The following SLC1A1 variants were observed in gnomAD, a reference collection of about 807,000 sequenced individuals.
SLC1A1 encodes the protein solute carrier family 1 member 1.
Under a neutral mutation model 53.3 loss-of-function variants are expected in SLC1A1, and 43 were observed. The ratio of observed to expected loss-of-function variants is 0.81; its 90% CI spans 0.63 to 1.04. The LOEUF is 1.04. Among genes scored for constraint, SLC1A1 ranks in the 50% least tolerant of loss-of-function variants. The probability of loss-of-function intolerance (pLI) is 0.00; values close to 1 mark genes in which losing one functional copy is unlikely to be tolerated. For missense variants in SLC1A1, 748 were observed against 664.9 expected, an observed-to-expected ratio of 1.12 and a Z score of -1.37; for synonymous variants, 307 against 243.2, an observed-to-expected ratio of 1.26 and a Z score of -2.44.
chr9:4,531,639 T>G (rs1255050913), intron 1 of SLC1A1, among the ~76,000 whole-genome samples: 1 of 152,130 alleles, frequency 6.6e-6, no homozygotes, highest in African/African-American at 2.4e-5. Flanking sequence ...GGCAGGGCAG[T>G]GCCAAACAAA....
intron 1 of SLC1A1, among the ~76,000 whole-genome samples, chr9:4,502,001 C>T (rs1037712797): frequency 2.0e-5 from 3 of 151,716 alleles, no homozygotes; most frequent in Non-Finnish European, 4.4e-5. Context: ...AGCCTCTCCC[C>T]ATTACTGGAA....
chr9:4,511,493 G>C (rs2046079844), intron 1 of SLC1A1, among the ~76,000 whole-genome samples: 1 of 151,402 alleles, frequency 6.6e-6, no homozygotes, highest in African/African-American at 2.4e-5. Context: ...ATTTGAAGGA[G>C]GACATACACA....
At chr9:4,532,080 G>A (rs939242481) in intron 1 of SLC1A1, among the ~76,000 whole-genome samples, 1 of 151,956 alleles carries the variant, frequency 6.6e-6, no homozygotes, top group Non-Finnish European at 1.5e-5. Context: ...AAAGACCAAA[G>A]GTAGATAAAA....
chr9:4,516,082 C>A (rs571235502), intron 1 of SLC1A1, among the ~76,000 whole-genome samples: 2 of 152,298 alleles, frequency 1.3e-5, no homozygotes, highest in African/African-American at 4.8e-5. Context: ...GGTACAGGAG[C>A]TTTCCTGATT....
At chr9:4,582,087 G>T (rs1173232487) in intron 10 of SLC1A1, among the ~76,000 whole-genome samples, 1 of 152,174 alleles carries the variant, frequency 6.6e-6, no homozygotes, top group Non-Finnish European at 1.5e-5. Flanking sequence ...AAGCACTGTA[G>T]GTGTGGCCTC....
intron 1 of SLC1A1, among the ~76,000 whole-genome samples, chr9:4,497,961 T>C (rs979838405): frequency 2.0e-4 from 31 of 152,174 alleles, no homozygotes; most frequent in Admixed American, 2.0e-3. Flanking sequence ...GGTATGATCT[T>C]TATTGAAAAA....
intron 7 of SLC1A1, among the ~76,000 whole-genome samples, chr9:4,573,544 T>C (rs1820260705): frequency 6.6e-6 from 1 of 152,068 alleles, no homozygotes; most frequent in Non-Finnish European, 1.5e-5. Context: ...GAAAGAGCCA[T>C]ATTTGGCAGT....
chr9:4,508,775 G>A (rs951269294), intron 1 of SLC1A1, among the ~76,000 whole-genome samples: 18 of 152,192 alleles, frequency 1.2e-4, no homozygotes, highest in African/African-American at 4.1e-4. Context: ...AAGTGCAGTG[G>A]CTTCCTGGGC....
intron 4 of SLC1A1, among the ~76,000 whole-genome samples, chr9:4,565,006 T>C (rs1040531300): frequency 6.6e-6 from 1 of 152,236 alleles, no homozygotes; most frequent in Non-Finnish European, 1.5e-5. Flanking sequence ...CTGTTGCATA[T>C]ACAGCCCTTA....
At chr9:4,519,612 A>C (rs1014145206) in intron 1 of SLC1A1, among the ~76,000 whole-genome samples, 2 of 152,244 alleles carry the variant, frequency 1.3e-5, no homozygotes, top group Non-Finnish European at 2.9e-5. Flanking sequence ...GGCCAAGGGC[A>C]GGGCTAAGTC....
At chr9:4,558,318 G>C (rs1297394522) in intron 2 of SLC1A1, among the ~76,000 whole-genome samples, 1 of 152,128 alleles carries the variant, frequency 6.6e-6, no homozygotes, top group African/African-American at 2.4e-5. Context: ...AGAGGTAGAG[G>C]GTAACTATAG....
chr9:4,535,427 G>A (rs1434941761), intron 1 of SLC1A1, among the ~76,000 whole-genome samples: 1 of 152,134 alleles, frequency 6.6e-6, no homozygotes, highest in African/African-American at 2.4e-5. Context: ...GACAAACAGA[G>A]AGCCAAATCA....
intron 3 of SLC1A1, among the ~76,000 whole-genome samples, chr9:4,562,653 T>G (rs1819065657): frequency 6.6e-6 from 1 of 151,990 alleles, no homozygotes. Flanking sequence ...CACCTATGAG[T>G]GAGAATATGT....
intron 6 of SLC1A1, among the ~76,000 whole-genome samples, chr9:4,568,957 G>T (rs1003049765): frequency 2.6e-5 from 4 of 152,074 alleles, no homozygotes; most frequent in Non-Finnish European, 5.9e-5. Flanking sequence ...TGTGTCCAAG[G>T]TTCCCAGAAA....
chr9:4,529,625 G>A (rs753644279), intron 1 of SLC1A1, among the ~76,000 whole-genome samples: 14 of 152,154 alleles, frequency 9.2e-5, no homozygotes, highest in Non-Finnish European at 1.5e-4. Flanking sequence ...ATGAATAAGT[G>A]TAAGGAGGAA....
Position 4,583,108 on chromosome 9 carries a change from G to A in SLC1A1, c.1264G>A (p.Val422Met), listed in dbSNP as rs755579388. 6.2e-7 allele frequency: 1 copy of A among 1,614,244 alleles called. No homozygotes were observed. Among genetic ancestry groups the A allele is most frequent in the Non-Finnish European group, 8.5e-7 (1 of 1,180,046 alleles). ...GGCTGGCCTGGTGACCATGGTGATT[G>A]TGCTGAGTGCCGTGGGCCTGCCCGC... is the stretch of plus-strand genomic sequence containing the variant. The part of the protein sequence containing the change: ...PQAGLVTMVI[V>M]LSAVGLPAED... The change falls in exon 11 of 12, where the codon GTG (valine) becomes ATG (methionine). Residue 422 changes from valine (V) to methionine (M), a missense_variant. Physicochemically the swap from Val to Met is conservative, Grantham distance 21. Transcript: ENST00000262352. The surrounding 1 kb of genome is among the most constrained non-coding windows in gnomAD (Gnocchi z 4.6).
At chr9:4,555,359 G>A (rs1026218116) in intron 2 of SLC1A1, among the ~76,000 whole-genome samples, 5 of 152,222 alleles carry the variant, frequency 3.3e-5, no homozygotes, top group African/African-American at 1.2e-4. Context: ...TGTCACGAAA[G>A]CTTTGTTCTC....
At chr9:4,551,112 G>T (rs565937147) in intron 2 of SLC1A1, among the ~76,000 whole-genome samples, 1 of 152,246 alleles carries the variant, frequency 6.6e-6, no homozygotes, top group South Asian at 2.1e-4. Context: ...AAGAATAGAG[G>T]GTGAGCAGAA....
rs889344945 is a variant in SLC1A1 at position 4,549,764 on chromosome 9, C to A, written c.232+5057C>A. On this transcript the variant is annotated intron_variant, in intron 2 of 11. Transcript: ENST00000262352. This position sits in a 1 kb window ranked among gnomAD's most constrained non-coding sequence, Gnocchi z 4.1. The stretch of plus-strand genomic sequence containing the variant: ...CTTTCCTCGTGGACCCCATCAGGAG[C>A]CTTCCATAGACTCCATACCATAGTA... Among the ~76,000 whole-genome samples, 1 of 152,178 alleles carries A rather than the reference C, an allele frequency of 6.6e-6. No individual in the cohort carries two copies. Among genetic ancestry groups the A allele is most frequent in the African/African-American group, 2.4e-5 (1 of 41,440 alleles).
Sources: allele counts gnomAD v4.1 joint callset (sites outside exome capture counted in the v4.1 genomes callset), GRCh38; gene constraint gnomAD v4.1.1; non-coding constraint Gnocchi (gnomAD v3.1); transcripts MANE v1.5; gene names NCBI Gene and HGNC (gene_info 2026-07-23, HGNC 2026-07-21).